SRRM4: variants seen among roughly 807,000 people sequenced by gnomAD.
SRRM4 encodes the protein serine/arginine repetitive matrix protein 4.
Under a neutral mutation model 68.9 loss-of-function variants are expected in SRRM4, and 33 were observed. The observed-to-expected ratio is 0.48, with a 90% CI of 0.36 to 0.64. The LOEUF (loss-of-function observed/expected upper bound fraction) is 0.64. Among genes scored for constraint, SRRM4 ranks in the 30% least tolerant of loss-of-function variants. The pLI is 0.00. For synonymous variants in SRRM4, 318 were observed against 318.8 expected (o/e 1.00, Z 0.03); for missense variants, 817 against 827.1 (o/e 0.99, Z 0.15).
chr12:119,088,588 C>T (rs2136035484), intron 1 of SRRM4, among the ~76,000 whole-genome samples: 1 of 151,766 alleles, frequency 6.6e-6, no homozygotes, highest in South Asian at 2.1e-4. Flanking sequence ...AGGACTTTGC[C>T]CAAGGCCACC....
At chr12:119,122,276 CAGGAAGGCAGGAAGGCAGGAAGGA>C (rs1387943871) in intron 6 of SRRM4, among the ~76,000 whole-genome samples, 156 bp downstream of exon 6, 79 of 87,626 alleles carry the variant, frequency 9.0e-4, no homozygotes, top group Middle Eastern at 5.4e-3. Context: ...GGCAGGAAGG[CAGGAAGGCAGGAAGGCAGGAAGGA>C]AGGAAGGAAG....
chr12:119,118,182 C>G (rs1173581047), intron 4 of SRRM4, among the ~76,000 whole-genome samples: 1 of 152,196 alleles, frequency 6.6e-6, no homozygotes, highest in African/African-American at 2.4e-5. Context: ...ACTTACAAAG[C>G]CTGCTTGGCC....
chr12:119,089,379 C>T (rs1054731431), intron 1 of SRRM4, among the ~76,000 whole-genome samples: 1 of 152,154 alleles, frequency 6.6e-6, no homozygotes, highest in Non-Finnish European at 1.5e-5. Context: ...AAAGTCCCAA[C>T]GGAAGGACAG....
intron 8 of SRRM4, among the ~76,000 whole-genome samples, chr12:119,140,239 G>T (rs562496499): frequency 6.6e-6 from 1 of 152,014 alleles, no homozygotes; most frequent in Admixed American, 6.6e-5. Context: ...TTACCTGGGC[G>T]TGGTGGCAGG....
In SRRM4 at chr12:119,013,554, A is replaced by G. The variant is rs144962764; in HGVS notation, c.131+31541A>G. 1.8e-4 allele frequency among the ~76,000 whole-genome samples: 28 copies of G among 152,282 alleles called. 1 individual carries two copies. The highest frequency in any genetic ancestry group is 3.2e-4 in the Non-Finnish European group (22 of 68,014). ...CAACTACTATTGTGCTTTCTAATGTATTCTTCCAGAAATATTTTATATGAA... is the reference window on the plus strand; with the variant it reads ...CAACTACTATTGTGCTTTCTAATGTGTTCTTCCAGAAATATTTTATATGAA... On this transcript the variant is annotated intron_variant, in intron 1 of 12. Transcript: ENST00000267260.
intron 1 of SRRM4, among the ~76,000 whole-genome samples, chr12:119,096,052 G>T (rs1954042321): frequency 6.7e-6 from 1 of 149,436 alleles, no homozygotes; most frequent in African/African-American, 2.5e-5. Context: ...ATGGAGTCTT[G>T]CTCTGTGGCG....
chr12:118,988,275 G>C (rs1198187325), intron 1 of SRRM4, among the ~76,000 whole-genome samples: 1 of 152,234 alleles, frequency 6.6e-6, no homozygotes, highest in Non-Finnish European at 1.5e-5. Flanking sequence ...GGAATGATCA[G>C]AGAAAATCAG....
chr12:119,118,503 T>C (rs950262789), intron 4 of SRRM4, among the ~76,000 whole-genome samples: 6 of 152,250 alleles, frequency 3.9e-5, no homozygotes, highest in South Asian at 2.1e-4. Context: ...TCACTGGTTA[T>C]GTCAACCACC....
At chr12:119,036,298 G>T (rs1201352239) in intron 1 of SRRM4, among the ~76,000 whole-genome samples, 1 of 152,130 alleles carries the variant, frequency 6.6e-6, no homozygotes. Context: ...TCCAAAATTT[G>T]ATCTCAATGT....
intron 1 of SRRM4, among the ~76,000 whole-genome samples, chr12:118,995,145 C>G (rs1953340619): frequency 6.6e-6 from 1 of 152,134 alleles, no homozygotes; most frequent in South Asian, 2.1e-4. Context: ...TACTATACAC[C>G]CAGCACTGAG....
At chr12:119,094,770 C>T (rs561810730) in intron 1 of SRRM4, among the ~76,000 whole-genome samples, 1 of 152,218 alleles carries the variant, frequency 6.6e-6, no homozygotes, top group Non-Finnish European at 1.5e-5. Context: ...TCTTATATAC[C>T]ATATTGCAAT....
chr12:119,157,058 G>T lies in SRRM4; in HGVS notation c.*260G>T. 2.1e-6 allele frequency: 1 copy of T among 467,776 alleles called. No homozygotes were observed. Among genetic ancestry groups the T allele is most frequent in the Non-Finnish European group, 3.7e-6 (1 of 271,018 alleles). 29.0% of individuals were successfully genotyped at this position (467,776 alleles called of 1,614,324 possible). A position where few individuals can be genotyped will look rare whatever the true frequency, so the allele number is the denominator to read the frequency against. ...ACCATCATCTTGTGGCACAAAAAAAGAAGAAAGAAAAGAAAACTTCAAGGT... is the reference window on the plus strand; with the variant it reads ...ACCATCATCTTGTGGCACAAAAAAATAAGAAAGAAAAGAAAACTTCAAGGT... On this transcript the variant is annotated 3_prime_UTR_variant, in exon 13 of 13. Coordinates refer to ENST00000267260, the MANE Select transcript of SRRM4 (RefSeq NM_194286.4). The surrounding 1 kb of genome is among the most constrained non-coding windows in gnomAD (Gnocchi z 4.1).
At chr12:119,084,132 A>G (rs1470861915) in intron 1 of SRRM4, among the ~76,000 whole-genome samples, 3 of 152,220 alleles carry the variant, frequency 2.0e-5, no homozygotes, top group Admixed American at 6.5e-5. Context: ...GAGATCACAT[A>G]GCAAGTCTGT....
At chr12:119,091,264 A>G (rs1386421170) in intron 1 of SRRM4, among the ~76,000 whole-genome samples, 2 of 152,184 alleles carry the variant, frequency 1.3e-5, no homozygotes, top group African/African-American at 4.8e-5. Context: ...GTAGAGAGAG[A>G]AGCCTGAACT....
Position 119,145,682 on chromosome 12 carries a change from C to T in SRRM4, c.1073C>T (p.Ser358Leu). 3.3e-6 allele frequency: 5 copies of T among 1,519,424 alleles called. No homozygotes were observed. In the South Asian group the frequency reaches 4.0e-5, roughly 12 times the overall value. 94.1% of individuals were successfully genotyped at this position (1,519,424 alleles called of 1,614,324 possible). ...TCCCCCACCAGCAGGGGCAGAGAGT[C>T]AAGGTCAGTGCACCACACAGGGTCG... ...NLSPTSRGRESRGFQSPCLEC... is the reference protein window; with the variant it reads ...NLSPTSRGRELRGFQSPCLEC... Residue 358 changes from serine to leucine, a missense_variant, in exon 9 of 13, where the codon TCA (serine) becomes TTA (leucine). By Grantham distance (145) the Ser-to-Leu change is moderately radical. Transcript: ENST00000267260.
At chr12:119,019,653 T>G (rs1594029607) in intron 1 of SRRM4, among the ~76,000 whole-genome samples, 1 of 152,212 alleles carries the variant, frequency 6.6e-6, no homozygotes, top group Non-Finnish European at 1.5e-5. Flanking sequence ...AAGAACTCCC[T>G]TCTCTGCTCA....
chr12:119,023,220 A>G (rs1421745860), intron 1 of SRRM4, among the ~76,000 whole-genome samples: 3 of 152,192 alleles, frequency 2.0e-5, no homozygotes, highest in Non-Finnish European at 4.4e-5. Flanking sequence ...AGAAGAAAGT[A>G]TCTGCTGGGT....
intron 2 of SRRM4, among the ~76,000 whole-genome samples, chr12:119,104,499 T>C (rs1954095540): frequency 1.3e-5 from 2 of 150,918 alleles, no homozygotes; most frequent in African/African-American, 4.9e-5. Flanking sequence ...TAATTAATTA[T>C]AATTATAATA....
chr12:119,058,899 G>A (rs560595949), intron 1 of SRRM4, among the ~76,000 whole-genome samples: 3 of 152,276 alleles, frequency 2.0e-5, no homozygotes, highest in Admixed American at 2.0e-4. Flanking sequence ...ATCTTGCAAT[G>A]GTGTGTGTGA....
Sources: allele counts gnomAD v4.1 joint callset (sites outside exome capture counted in the v4.1 genomes callset), GRCh38; gene constraint gnomAD v4.1.1; non-coding constraint Gnocchi (gnomAD v3.1); transcripts MANE v1.5; gene names NCBI Gene and HGNC (gene_info 2026-07-23, HGNC 2026-07-21).